DNMBP: variants seen among roughly 807,000 people sequenced by gnomAD.
DNMBP encodes dynamin-binding protein.
Under a neutral mutation model 150.0 loss-of-function variants are expected in DNMBP, and 87 were observed. That is an observed-to-expected ratio of 0.58 (90% CI 0.49 to 0.69). The LOEUF is 0.69. Among genes scored for constraint, DNMBP ranks in the 30% least tolerant of loss-of-function variants. The pLI, the probability that DNMBP is intolerant of heterozygous loss-of-function variation, is 0.00. For missense variants in DNMBP, 1,774 were observed against 1,949.0 expected (o/e 0.91, Z 1.69); for synonymous variants, 711 against 750.4 (o/e 0.95, Z 0.86).
At chr10:99,974,046 C>G (rs756439899) in intron 1 of DNMBP, among the ~76,000 whole-genome samples, 3 of 151,962 alleles carry the variant, frequency 2.0e-5, no homozygotes, top group Non-Finnish European at 4.4e-5. Context: ...CCTAGCACTT[C>G]GGGAGACTAA....
At chr10:99,945,987 C>T (rs901753892) in intron 4 of DNMBP, among the ~76,000 whole-genome samples, 32 of 152,322 alleles carry the variant, frequency 2.1e-4, no homozygotes, top group Middle Eastern at 3.4e-3. Context: ...GACGGAGTCT[C>T]GCTCTGTTGC....
At chr10:99,894,213 T>C (rs2039618340) in intron 11 of DNMBP, among the ~76,000 whole-genome samples, 1 of 152,150 alleles carries the variant, frequency 6.6e-6, no homozygotes, top group African/African-American at 2.4e-5. Flanking sequence ...GAGACTGCAC[T>C]GAGCTATGAT....
At chr10:99,957,291 A>C in intron 3 of DNMBP, 86 bp from the exon 4 acceptor site, 1 of 1,198,202 alleles carries the variant, frequency 8.3e-7, no homozygotes, top group Non-Finnish European at 1.1e-6. Flanking sequence ...TCTCATTTTA[A>C]ACAGCTACCA....
chr10:99,951,874 G>C lies in DNMBP; in HGVS notation c.2260+3340C>G, dbSNP rs1589435331. Among the ~76,000 whole-genome samples the C allele has an allele frequency of 5.3e-5, 8 of 152,302 alleles. No homozygotes were observed. The East Asian group carries it at 9.6e-4, about 18-fold the overall frequency. ...AAGACTTTGGGGGACTGTTGGGAAG[G>C]CATGATTAGTTTTGAAATGTGACGA... On this transcript the variant is annotated intron_variant, in intron 4 of 16. Coordinates refer to ENST00000324109, the MANE Select transcript of DNMBP (RefSeq NM_015221.4).
chr10:99,995,338 G>A (rs1443048917), intron 1 of DNMBP, among the ~76,000 whole-genome samples: 1 of 152,044 alleles, frequency 6.6e-6, no homozygotes, highest in Admixed American at 6.6e-5. Context: ...CATGATCACG[G>A]CACCTGGCAA....
At chr10:99,960,854 T>C (rs974410380) in intron 3 of DNMBP, among the ~76,000 whole-genome samples, 1 of 148,072 alleles carries the variant, frequency 6.8e-6, no homozygotes, top group African/African-American at 2.5e-5. Context: ...GGCTATTGCC[T>C]GTAGTCTCAG....
intron 4 of DNMBP, among the ~76,000 whole-genome samples, chr10:99,938,207 T>C (rs545135613): frequency 1.3e-5 from 2 of 152,212 alleles, no homozygotes; most frequent in South Asian, 4.1e-4. Context: ...AGAGAAGAGA[T>C]AAAAAGAGAG....
intron 4 of DNMBP, among the ~76,000 whole-genome samples, chr10:99,939,988 C>G (rs920209332): frequency 6.6e-6 from 1 of 152,138 alleles, no homozygotes; most frequent in African/African-American, 2.4e-5. Flanking sequence ...ACTAAACTGC[C>G]CTGGAAAAAC....
chr10:99,963,308 T>C (rs2040583433), intron 3 of DNMBP, among the ~76,000 whole-genome samples: 1 of 151,120 alleles, frequency 6.6e-6, no homozygotes. Flanking sequence ...TGGGCTCAAG[T>C]GATCCTCCCA....
At chr10:99,894,860 A>G (rs2039627489) in intron 11 of DNMBP, 86 bp downstream of exon 11, 1 of 1,040,864 alleles carries the variant, frequency 9.6e-7, no homozygotes, top group Non-Finnish European at 1.5e-6. Context: ...ATTACTCAGC[A>G]TTCATTAAAC....
rs750673998 is a variant in DNMBP at position 99,898,070 on chromosome 10, A to G, written c.2920+16T>C. On this transcript the variant is annotated intron_variant, in intron 9 of 16. Coordinates refer to ENST00000324109, the MANE Select transcript of DNMBP (RefSeq NM_015221.4). ...CAAAGGGCATACCTCCTTTTCAGCA[A>G]TTATGCTGTTCTTACCCAGGTCCTT... 3.1e-6 allele frequency: 5 copies of G among 1,605,976 alleles called. No homozygotes were observed. The East Asian group carries it at 1.1e-4, about 36-fold the overall frequency.
At chr10:99,926,614 T>C (rs1194101588) in intron 4 of DNMBP, among the ~76,000 whole-genome samples, 1 of 152,218 alleles carries the variant, frequency 6.6e-6, no homozygotes, top group Non-Finnish European at 1.5e-5. Flanking sequence ...GCAATCTTAC[T>C]GGGCTGAGCA....
At chr10:99,900,966 C>G (rs1226100781) in intron 6 of DNMBP, among the ~76,000 whole-genome samples, 1 of 152,102 alleles carries the variant, frequency 6.6e-6, no homozygotes, top group African/African-American at 2.4e-5. Flanking sequence ...GAGGCAGGGT[C>G]TCACTGTTGC....
At chr10:99,966,844 A>T (rs2040624086) in intron 3 of DNMBP, among the ~76,000 whole-genome samples, 1 of 152,022 alleles carries the variant, frequency 6.6e-6, no homozygotes, top group Non-Finnish European at 1.5e-5. Flanking sequence ...GTAGTGGCGT[A>T]AACACAGCTC....
At chr10:99,909,638 A>G (rs1176829794) in intron 4 of DNMBP, among the ~76,000 whole-genome samples, 1 of 152,222 alleles carries the variant, frequency 6.6e-6, no homozygotes, top group Admixed American at 6.5e-5. Flanking sequence ...TGAGATCTGG[A>G]TAATTATAGG....
intron 1 of DNMBP, among the ~76,000 whole-genome samples, chr10:99,988,643 ATTTTAT>A (rs1440431741): frequency 5.3e-5 from 8 of 152,054 alleles, no homozygotes; most frequent in East Asian, 1.9e-4. Flanking sequence ...ATCTCTGACA[ATTTTAT>A]TTTTATTTTT....
chr10:99,932,497 GC>G (rs1227588000), intron 4 of DNMBP, among the ~76,000 whole-genome samples: 2 of 152,162 alleles, frequency 1.3e-5, no homozygotes, highest in African/African-American at 4.8e-5. Context: ...TTCTGACATG[GC>G]TCGTATGGAA....
intron 14 of DNMBP, 96 bp from the exon 15 acceptor site, chr10:99,884,305 G>T: frequency 1.9e-5 from 21 of 1,097,910 alleles, no homozygotes; most frequent in South Asian, 2.9e-5. Flanking sequence ...AATGAGGCAG[G>T]GACAGTCAGT....
At chr10:99,891,449 G>A (rs1433922694) in intron 11 of DNMBP, among the ~76,000 whole-genome samples, 3 of 152,008 alleles carry the variant, frequency 2.0e-5, no homozygotes, top group East Asian at 1.9e-4. Context: ...TGCCGGGATT[G>A]CAGACGGAGT....
Sources: allele counts gnomAD v4.1 joint callset (sites outside exome capture counted in the v4.1 genomes callset), GRCh38; gene constraint gnomAD v4.1.1; transcripts MANE v1.5; gene names NCBI Gene and HGNC (gene_info 2026-07-23, HGNC 2026-07-21).